The following TANC2 variants were observed in gnomAD, a reference collection of about 807,000 sequenced individuals.
The protein encoded by TANC2 is tetratricopeptide repeat, ankyrin repeat and coiled-coil containing 2, also known as protein TANC2.
In TANC2, 26 loss-of-function variants were observed where a neutral mutation model predicts 210.5. That is an observed-to-expected ratio of 0.12 (90% confidence interval 0.09 to 0.17). The LOEUF is 0.17. TANC2 is among the 10% of genes least tolerant of loss of function. TANC2 has a pLI of 1.00. For missense variants in TANC2, 2,129 were observed against 2,608.9 expected, an observed-to-expected ratio of 0.82 and a Z score of 4.01; for synonymous variants, 931 against 967.1, an observed-to-expected ratio of 0.96 and a Z score of 0.69.
chr17:63,085,682 T>C (rs1167143537), intron 3 of TANC2, among the ~76,000 whole-genome samples: 2 of 152,098 alleles, frequency 1.3e-5, no homozygotes, highest in South Asian at 4.1e-4. Context: ...TGCACATGTG[T>C]GTCTGTATGT....
chr17:63,374,397 A>C (rs2047364817), intron 14 of TANC2, among the ~76,000 whole-genome samples: 1 of 152,170 alleles, frequency 6.6e-6, no homozygotes, highest in Non-Finnish European at 1.5e-5. Flanking sequence ...TCCATTCTGC[A>C]AATATATACC....
chr17:63,063,580 A>G (rs904718982), intron 2 of TANC2, among the ~76,000 whole-genome samples: 2 of 139,652 alleles, frequency 1.4e-5, no homozygotes, highest in African/African-American at 2.7e-5. Context: ...GTGTGTAGAT[A>G]TATCTCTTAC....
chr17:63,028,141 C>T (rs2034630579), intron 2 of TANC2, among the ~76,000 whole-genome samples: 1 of 151,902 alleles, frequency 6.6e-6, no homozygotes, highest in Non-Finnish European at 1.5e-5. Flanking sequence ...CTGGTCATGT[C>T]TGTAAACCAA....
At chr17:63,086,093 G>T (rs79477630) in intron 3 of TANC2, among the ~76,000 whole-genome samples, 4,515 of 151,704 alleles carry the variant, frequency 0.03, 82 homozygotes, top group South Asian at 0.037. Context: ...GAGATATCAG[G>T]TATATTAATA....
chr17:63,321,230 A>G (rs1384864462), intron 11 of TANC2, among the ~76,000 whole-genome samples: 1 of 152,046 alleles, frequency 6.6e-6, no homozygotes, highest in African/African-American at 2.4e-5. Flanking sequence ...CTATACTGGT[A>G]TGATACTCTC....
intron 8 of TANC2, among the ~76,000 whole-genome samples, chr17:63,248,741 A>G (rs1385640941): frequency 2.0e-5 from 3 of 152,148 alleles, no homozygotes; most frequent in Non-Finnish European, 2.9e-5. Flanking sequence ...GTAATGAATA[A>G]AACTATATAT....
At chr17:63,106,226 A>G (rs772782642) in intron 4 of TANC2, among the ~76,000 whole-genome samples, 11 of 151,734 alleles carry the variant, frequency 7.2e-5, no homozygotes, top group Admixed American at 6.6e-4. Flanking sequence ...ACTTAATTCA[A>G]TATAATAATT....
intron 21 of TANC2, among the ~76,000 whole-genome samples, chr17:63,406,756 T>C (rs567449099): frequency 1.2e-4 from 19 of 152,318 alleles, no homozygotes; most frequent in African/African-American, 4.6e-4. Flanking sequence ...CATCCACAAA[T>C]TCCTGGTGAA....
intron 2 of TANC2, among the ~76,000 whole-genome samples, chr17:63,058,057 A>G (rs2035867214): frequency 6.6e-6 from 1 of 152,230 alleles, no homozygotes. Flanking sequence ...CCAACAGTGT[A>G]TAAGCATTAC....
intron 5 of TANC2, among the ~76,000 whole-genome samples, chr17:63,182,991 C>G (rs1005158992): frequency 1.4e-4 from 22 of 152,310 alleles, no homozygotes; most frequent in African/African-American, 5.3e-4. Flanking sequence ...TGTGCCTAAT[C>G]TAGAGTATTT....
intron 19 of TANC2, among the ~76,000 whole-genome samples, chr17:63,400,544 TTG>T (rs1224979034): frequency 6.6e-6 from 1 of 152,174 alleles, no homozygotes; most frequent in Non-Finnish European, 1.5e-5. Flanking sequence ...CAGAATTGTG[TTG>T]TGTTTGACTT....
intron 9 of TANC2, among the ~76,000 whole-genome samples, chr17:63,270,824 C>T (rs1295548199): frequency 6.6e-6 from 1 of 152,106 alleles, no homozygotes; most frequent in Non-Finnish European, 1.5e-5. Context: ...CTCCTACCTC[C>T]TCCCACCAGT....
chr17:63,397,778 A>G (rs561172035), intron 18 of TANC2, among the ~76,000 whole-genome samples: 1 of 152,376 alleles, frequency 6.6e-6, no homozygotes, highest in East Asian at 1.9e-4. Context: ...TAGTTAAATA[A>G]TAGGAAGTTG....
intron 9 of TANC2, among the ~76,000 whole-genome samples, chr17:63,304,576 G>A (rs2044835168): frequency 2.0e-5 from 3 of 152,184 alleles, no homozygotes; most frequent in African/African-American, 7.2e-5. Flanking sequence ...ACGGGGAGCA[G>A]GACCTGTTTA....
chr17:63,127,597 A>C (rs890649217), intron 4 of TANC2, among the ~76,000 whole-genome samples: 1 of 152,210 alleles, frequency 6.6e-6, no homozygotes, highest in African/African-American at 2.4e-5. Context: ...TTCATGCTTT[A>C]ATTTCTTACT....
At chr17:63,142,840 C>T (rs558564139) in intron 4 of TANC2, among the ~76,000 whole-genome samples, 5 of 152,212 alleles carry the variant, frequency 3.3e-5, no homozygotes, top group African/African-American at 1.2e-4. Context: ...AGAAAATTAA[C>T]ATATATTAAA....
intron 2 of TANC2, among the ~76,000 whole-genome samples, chr17:63,013,762 TA>T (rs34126221): frequency 8.1e-4 from 82 of 101,768 alleles, no homozygotes; most frequent in Admixed American, 1.1e-3. Flanking sequence ...ACCCTGTCTT[TA>T]AAAAAAAAAA....
At chr17:63,346,221 C>T (rs1489165146) in intron 12 of TANC2, among the ~76,000 whole-genome samples, 1 of 152,132 alleles carries the variant, frequency 6.6e-6, no homozygotes, top group Non-Finnish European at 1.5e-5. Context: ...GTAAAGATTT[C>T]TTAAGGACAC....
chr17:63,300,850 T>C (rs546687777), intron 9 of TANC2, among the ~76,000 whole-genome samples: 11 of 152,346 alleles, frequency 7.2e-5, no homozygotes, highest in Non-Finnish European at 1.5e-4. Flanking sequence ...ATCCTTGTCT[T>C]GTGCCGGTTT....
Sources: gnomAD v4.1 joint callset for allele counts (sites outside exome capture counted in the v4.1 genomes callset) on GRCh38, gnomAD v4.1.1 for gene constraint, MANE v1.5 for transcripts, NCBI Gene and HGNC (gene_info 2026-07-23, HGNC 2026-07-21) for gene names.